MDFI: variants seen among roughly 807,000 people sequenced by gnomAD.
MDFI encodes MyoD family inhibitor.
MDFI carries 16 observed loss-of-function variants against 22.3 expected under a neutral mutation model. That is an observed-to-expected ratio of 0.72 (90% CI 0.49 to 1.09). The LOEUF is 1.09. Among genes scored for constraint, MDFI ranks in the 50% least tolerant of loss-of-function variants. The pLI is 0.00. For missense variants in MDFI, 314 were observed against 326.1 expected, an observed-to-expected ratio of 0.96 and a Z score of 0.29; for synonymous variants, 145 against 142.7, an observed-to-expected ratio of 1.02 and a Z score of -0.12.
intron 2 of MDFI, among the ~76,000 whole-genome samples, chr6:41,640,346 T>C (rs149501488): frequency 6.6e-6 from 1 of 152,210 alleles, no homozygotes; most frequent in Non-Finnish European, 1.5e-5. Context: ...GAAGCCATTC[T>C]CAGCTCCAGC....
chr6:41,639,154 G>A, intron 2 of MDFI: 1 of 839,208 alleles, frequency 1.2e-6, no homozygotes, highest in South Asian at 5.5e-5. Flanking sequence ...TGTCTCAACT[G>A]TTTCTGCCCA....
Position 41,653,584 on chromosome 6 carries a change from C to A in MDFI, c.*9C>A. 6.3e-7 allele frequency: 1 copy of A among 1,599,222 alleles called. No homozygotes were observed. The highest frequency in any genetic ancestry group is 8.5e-7 in the Non-Finnish European group (1 of 1,179,328). The stretch of plus-strand genomic sequence containing the variant: ...TCTGCTTCTCCTCCTGAGCCTCTGT[C>A]GGGGGCTAAGCCAGCCTGGCGCCCC... On this transcript the variant is annotated 3_prime_UTR_variant, in exon 5 of 5. Coordinates refer to ENST00000230321, the MANE Select transcript of MDFI (RefSeq NM_005586.4). This position sits in a 1 kb window ranked among gnomAD's most constrained non-coding sequence, Gnocchi z 4.2.
chr6:41,653,347 C>T lies in MDFI; in HGVS notation c.513C>T (p.Cys171=), dbSNP rs894559598. Residue 171 remains cysteine, a synonymous_variant, in exon 5 of 5, where the codon TGC becomes TGT. Coordinates refer to ENST00000230321, the MANE Select transcript of MDFI (RefSeq NM_005586.4). The surrounding 1 kb of genome is among the most constrained non-coding windows in gnomAD (Gnocchi z 4.2). ...EDCCVHCILS[C]LFCEFLTLCN... ...GCTGTGTCCACTGCATCCTGTCCTGCCTGTTCTGCGAGTTCCTGACGCTGT... is the reference window on the plus strand; with the variant it reads ...GCTGTGTCCACTGCATCCTGTCCTGTCTGTTCTGCGAGTTCCTGACGCTGT... The T allele has an allele frequency of 6.2e-7, 1 of 1,612,866 alleles. No homozygotes were observed. Among genetic ancestry groups the T allele is most frequent in the Admixed American group, 1.7e-5 (1 of 60,028 alleles).
chr6:41,653,380 C>T lies in MDFI; in HGVS notation c.546C>T (p.Ile182=), dbSNP rs373024879. 2.3e-5 allele frequency: 37 copies of T among 1,611,928 alleles called. No individual in the cohort carries two copies. The highest frequency in any genetic ancestry group is 3.0e-5 in the Non-Finnish European group (35 of 1,180,018). The change falls in exon 5 of 5, where the codon ATC becomes ATT. Residue 182 remains isoleucine (I), a synonymous_variant. Transcript: ENST00000230321. This position sits in a 1 kb window ranked among gnomAD's most constrained non-coding sequence, Gnocchi z 4.2. ...GCGAGTTCCTGACGCTGTGCAACAT[C>T]GTCCTGGACTGCGCCACCTGTGGCT... ...LFCEFLTLCN[I]VLDCATCGSC... is the part of the protein sequence containing the mutation.
At chr6:41,645,702 C>A (rs971154172) in intron 2 of MDFI, among the ~76,000 whole-genome samples, 1 of 152,142 alleles carries the variant, frequency 6.6e-6, no homozygotes, top group Non-Finnish European at 1.5e-5. Flanking sequence ...CCCAATCTCT[C>A]GCAGTCCGAT....
At chr6:41,640,345 C>G (rs1000549768) in intron 2 of MDFI, among the ~76,000 whole-genome samples, 3 of 152,190 alleles carry the variant, frequency 2.0e-5, no homozygotes, top group Non-Finnish European at 4.4e-5. Flanking sequence ...TGAAGCCATT[C>G]TCAGCTCCAG....
chr6:41,641,691 C>T (rs988238245), intron 2 of MDFI, among the ~76,000 whole-genome samples: 7 of 152,188 alleles, frequency 4.6e-5, no homozygotes, highest in Non-Finnish European at 7.3e-5. Context: ...CCCAGATCCA[C>T]GGTCCACAAA....
intron 2 of MDFI, among the ~76,000 whole-genome samples, chr6:41,643,400 C>T (rs1227551423): frequency 6.6e-6 from 1 of 152,114 alleles, no homozygotes; most frequent in Admixed American, 6.5e-5. Context: ...AGCCACCAGC[C>T]CACCTCTCCC....
In MDFI at chr6:41,653,760, A is replaced by G. The variant is rs997921931; in HGVS notation, c.*185A>G. 4.2e-6 allele frequency: 3 copies of G among 716,392 alleles called. No individual in the cohort carries two copies. Among genetic ancestry groups the G allele is most frequent in the South Asian group, 1.9e-5 (1 of 53,456 alleles). The allele number at this position is 716,392 out of a possible 1,614,324, so 44.4% of individuals were successfully genotyped here. On this transcript the variant is annotated 3_prime_UTR_variant, in exon 5 of 5. Transcript: ENST00000230321. The surrounding 1 kb of genome is among the most constrained non-coding windows in gnomAD (Gnocchi z 4.2). ...ATAGTGGGGGGCACTCAGAGGGGCCACCTCCTCAGCCGTGGGTGGTGGGCC... is the reference window on the plus strand; with the variant it reads ...ATAGTGGGGGGCACTCAGAGGGGCCGCCTCCTCAGCCGTGGGTGGTGGGCC...
At chr6:41,647,154 G>A (rs930857942) in intron 3 of MDFI, among the ~76,000 whole-genome samples, 2 of 152,200 alleles carry the variant, frequency 1.3e-5, no homozygotes, top group Non-Finnish European at 2.9e-5. Context: ...ACTAGTGCAC[G>A]GCCCTCGGTC....
intron 2 of MDFI, among the ~76,000 whole-genome samples, chr6:41,645,622 G>C (rs139653724): frequency 6.6e-6 from 1 of 152,056 alleles, no homozygotes; most frequent in African/African-American, 2.4e-5. Flanking sequence ...ACTGACTTCC[G>C]TGCTATTGCT....
chr6:41,644,848 GTC>G (rs1243284287), intron 2 of MDFI, among the ~76,000 whole-genome samples: 1 of 151,418 alleles, frequency 6.6e-6, no homozygotes, highest in Non-Finnish European at 1.5e-5. Flanking sequence ...CCTCTTTCTG[GTC>G]TCTCTGTGGG....
chr6:41,652,744 G>A (rs1187348258), intron 4 of MDFI, among the ~76,000 whole-genome samples: 2 of 150,460 alleles, frequency 1.3e-5, no homozygotes, highest in East Asian at 2.0e-4. Flanking sequence ...AGCCTCCCAA[G>A]TAGCTGGGAT....
chr6:41,638,725 C>A lies in MDFI; in HGVS notation c.-11-14C>A. On this transcript the variant is annotated splice_polypyrimidine_tract_variant and intron_variant, in intron 1 of 4. Transcript: ENST00000230321. The surrounding 1 kb of genome is among the most constrained non-coding windows in gnomAD (Gnocchi z 7.6). Reference sequence around the variant, plus strand: ...CCGCCTCCGGCGCCGCCCGCTGAGCCCTGTTTTCCGCAGGTCCGGGGCCGA... The same window carrying A: ...CCGCCTCCGGCGCCGCCCGCTGAGCACTGTTTTCCGCAGGTCCGGGGCCGA... 2 of 1,552,932 alleles carry A rather than the reference C, an allele frequency of 1.3e-6. No individual in the cohort carries two copies. Among genetic ancestry groups the A allele is most frequent in the East Asian group, 2.4e-5 (1 of 42,060 alleles).
chr6:41,638,942 G>T lies in MDFI; in HGVS notation c.76+117G>T. ...GGGAGACCGTTCCAGGGAGCTTGGT[G>T]GGGGTAGGGACGAAAAGTCTGGGTT... On this transcript the variant is annotated intron_variant, in intron 2 of 4. Coordinates refer to ENST00000230321, the MANE Select transcript of MDFI (RefSeq NM_005586.4). The surrounding 1 kb of genome is among the most constrained non-coding windows in gnomAD (Gnocchi z 7.6). 8.5e-7 allele frequency: 1 copy of T among 1,179,100 alleles called. No homozygotes were observed. The highest frequency in any genetic ancestry group is 2.7e-5 in the East Asian group (1 of 37,248). 73.0% of individuals were successfully genotyped at this position (1,179,100 alleles called of 1,614,324 possible).
In MDFI at chr6:41,649,815, C is replaced by T. The variant is rs1240732506; in HGVS notation, c.456C>T (p.Thr152=). ...KKSKSSSKST[T]SQIPLQAQED... is the part of the protein sequence containing the mutation. ...GTAAGAGCAGCAGCAAATCCACCAC[C>T]TCCCAGATCCCCCTCCAGGCACAGG... The change falls in exon 4 of 5, where the codon ACC becomes ACT. Residue 152 remains threonine, a synonymous_variant. Coordinates refer to ENST00000230321, the MANE Select transcript of MDFI (RefSeq NM_005586.4). 1 of 1,613,972 alleles carries T rather than the reference C, an allele frequency of 6.2e-7. No homozygotes were observed. Among genetic ancestry groups the T allele is most frequent in the Admixed American group, 1.7e-5 (1 of 60,002 alleles).
intron 2 of MDFI, chr6:41,639,368 C>A: frequency 2.0e-6 from 2 of 985,344 alleles, no homozygotes; most frequent in Non-Finnish European, 2.4e-6. Context: ...GGCCAGTCCC[C>A]GCCGCCCCTG....
chr6:41,648,380 G>A (rs1035215363), intron 3 of MDFI, among the ~76,000 whole-genome samples: 4 of 152,208 alleles, frequency 2.6e-5, no homozygotes, highest in Non-Finnish European at 5.9e-5. Flanking sequence ...GAGGGGATGC[G>A]TGAGCAGCAA....
At chr6:41,637,811 C>T (rs1249370800), upstream of MDFI, among the ~76,000 whole-genome samples, 6 of 152,172 alleles carry the variant, frequency 3.9e-5, no homozygotes. The surrounding 1 kb of genome is among the most constrained non-coding windows in gnomAD (Gnocchi z 6.8). Context: ...CTCTTTGCCC[C>T]CAAAGTCGGT....
Sources: allele counts gnomAD v4.1 joint callset (sites outside exome capture counted in the v4.1 genomes callset), GRCh38; gene constraint gnomAD v4.1.1; non-coding constraint Gnocchi (gnomAD v3.1); transcripts MANE v1.5; gene names NCBI Gene and HGNC (gene_info 2026-07-23, HGNC 2026-07-21).